FOXK1: variants seen among roughly 807,000 people sequenced by gnomAD.
FOXK1 encodes forkhead box protein K1.
Under a neutral mutation model 51.9 loss-of-function variants are expected in FOXK1, and 19 were observed. The observed-to-expected ratio is 0.37, with a 90% CI of 0.26 to 0.54. FOXK1 has a LOEUF of 0.54. FOXK1 is among the 20% of genes least tolerant of loss of function. The pLI is 0.87. For synonymous variants in FOXK1, 537 were observed against 482.6 expected, an observed-to-expected ratio of 1.11 and a Z score of -1.48; for missense variants, 870 against 1,032.7, an observed-to-expected ratio of 0.84 and a Z score of 2.16.
At chr7:4,710,722 G>C (rs1405302473) in intron 1 of FOXK1, among the ~76,000 whole-genome samples, 3 of 152,184 alleles carry the variant, frequency 2.0e-5, no homozygotes, top group Non-Finnish European at 4.4e-5. Flanking sequence ...TTCAGGGCGA[G>C]GGTGCGGTGG....
intron 1 of FOXK1, among the ~76,000 whole-genome samples, chr7:4,719,671 G>T (rs1287023180): frequency 6.7e-6 from 1 of 148,672 alleles, no homozygotes; most frequent in Non-Finnish European, 1.5e-5. Context: ...TAGTAGAGAT[G>T]GGGTTTCACC....
Position 4,689,987 on chromosome 7 carries a change from C to T in FOXK1, c.560+7119C>T, listed in dbSNP as rs115335524. 3.4e-3 allele frequency among the ~76,000 whole-genome samples: 525 copies of T among 152,248 alleles called. 3 individuals carry two copies. The highest frequency in any genetic ancestry group is 0.012 in the African/African-American group (496 of 41,524). ...GATCAGTCTCTTTCCAGCGAGTAGA[C>T]GTGAAAACTCAGGTGGTGCTGTCTC... On this transcript the variant is annotated intron_variant, in intron 1 of 8. Coordinates refer to ENST00000328914, the MANE Select transcript of FOXK1 (RefSeq NM_001037165.2).
Position 4,682,851 on chromosome 7 carries a change from C to T in FOXK1, c.543C>T (p.Ala181=), listed in dbSNP as rs1462883028. ...CCTTCCAGAGACGCGGCGCGCCCGC[C>T]CTGCAGCTGCCCAAGCAGTGAGTGG... ...DGAFQRRGAP[A]LQLPKQCTFR... The change falls in exon 1 of 9, where the codon GCC becomes GCT. Residue 181 remains alanine, a synonymous_variant. Coordinates refer to ENST00000328914, the MANE Select transcript of FOXK1 (RefSeq NM_001037165.2). This position sits in a 1 kb window ranked among gnomAD's most constrained non-coding sequence, Gnocchi z 7.6. 1.9e-6 allele frequency: 3 copies of T among 1,553,174 alleles called. No individual in the cohort carries two copies. The highest frequency in any genetic ancestry group is 2.4e-5 in the East Asian group (1 of 42,114).
At position 4,767,241 on chromosome 7, in the gene FOXK1, C is replaced by G. The variant is rs1781024518; in HGVS notation, c.*4777C>G. 1 of 152,300 alleles carries G rather than the reference C, an allele frequency of 6.6e-6. No individual in the cohort carries two copies. The highest frequency in any genetic ancestry group is 1.5e-5 in the Non-Finnish European group (1 of 68,086). The allele number at this position is 152,300 out of a possible 1,614,324, so 9.4% of individuals were successfully genotyped here. A position where few individuals can be genotyped will look rare whatever the true frequency, so the allele number is the denominator to read the frequency against. ...GGCTTCAGAGTCACCGGCATGCCGC[C>G]TCACGTTGCAGGACGGAATCGCGCG... is the stretch of plus-strand genomic sequence containing the variant. On this transcript the variant is annotated 3_prime_UTR_variant, in exon 9 of 9. Transcript: ENST00000328914. This position sits in a 1 kb window ranked among gnomAD's most constrained non-coding sequence, Gnocchi z 6.6.
Position 4,706,018 on chromosome 7 carries a change from ATATACGTG to A in FOXK1, c.560+23155_560+23162del, listed in dbSNP as rs1327494894. 1.2e-3 allele frequency among the ~76,000 whole-genome samples: 131 copies of A among 107,418 alleles called. 13 individuals are homozygous for A. Among genetic ancestry groups the A allele is most frequent in the African/African-American group, 8.0e-3 (117 of 14,574 alleles). 70.5% of individuals were successfully genotyped at this position (107,418 alleles called of 152,430 possible). A position where few individuals can be genotyped will look rare whatever the true frequency, so the allele number is the denominator to read the frequency against. On this transcript the variant is annotated intron_variant, in intron 1 of 8. Transcript: ENST00000328914. ...CGTATATATACGTATATATACGTAT[ATATACGTG>A]TATATACGTGTATATACGTGTATAT... is the stretch of plus-strand genomic sequence containing the variant.
At position 4,762,055 on chromosome 7, in the gene FOXK1, G is replaced by A. The variant is rs548377768; in HGVS notation, c.1922-129G>A. The A allele has an allele frequency of 3.4e-3, 3,738 of 1,104,546 alleles. 18 individuals carry two copies. The highest frequency in any genetic ancestry group is 0.015 in the Middle Eastern group (69 of 4,622). The allele number at this position is 1,104,546 out of a possible 1,614,324, so 68.4% of individuals were successfully genotyped here. On this transcript the variant is annotated intron_variant, in intron 8 of 8. Coordinates refer to ENST00000328914, the MANE Select transcript of FOXK1 (RefSeq NM_001037165.2). The surrounding 1 kb of genome is among the most constrained non-coding windows in gnomAD (Gnocchi z 5.7). ...CGCAGGGAGCAGAGCAAGGGTAGCC[G>A]TCCTGCCTGGCAGGGGTGCACTGAC... is the stretch of plus-strand genomic sequence containing the variant.
At chr7:4,685,992 T>G (rs1295181744) in intron 1 of FOXK1, among the ~76,000 whole-genome samples, 1 of 151,668 alleles carries the variant, frequency 6.6e-6, no homozygotes, top group African/African-American at 2.4e-5. Flanking sequence ...TTCTTAAGCC[T>G]ATTATGTTGA....
At position 4,709,641 on chromosome 7, in the gene FOXK1, A is replaced by G. The variant is rs551650325; in HGVS notation, c.560+26773A>G. On this transcript the variant is annotated intron_variant, in intron 1 of 8. Transcript: ENST00000328914. This position sits in a 1 kb window ranked among gnomAD's most constrained non-coding sequence, Gnocchi z 5.6. ...AGAAGATTTTAACTTTGTTAAAATC[A>G]TGAACTGGTTTTGCCGCAGTAAAGC... Among the ~76,000 whole-genome samples, 3 of 152,262 alleles carry G rather than the reference A, an allele frequency of 2.0e-5. No individual in the cohort carries two copies. The highest frequency in any genetic ancestry group is 1.5e-5 in the Non-Finnish European group (1 of 68,048).
chr7:4,712,460 A>T (rs1306036301), intron 1 of FOXK1, among the ~76,000 whole-genome samples: 1 of 152,094 alleles, frequency 6.6e-6, no homozygotes, highest in African/African-American at 2.4e-5. Context: ...GGGAAAGGAG[A>T]CGTGTTAGTT....
In FOXK1 at chr7:4,756,166, G is replaced by A. The variant is rs1780849103; in HGVS notation, c.1050+783G>A. 6.6e-6 allele frequency among the ~76,000 whole-genome samples: 1 copy of A among 152,140 alleles called. No individual in the cohort carries two copies. On this transcript the variant is annotated intron_variant, in intron 4 of 8. Transcript: ENST00000328914. The surrounding 1 kb of genome is among the most constrained non-coding windows in gnomAD (Gnocchi z 4.1). ...ATCTCGCTCTGCCATCCCGGCTGGA[G>A]TGTGGTGGCGCGATCTCAGCTCACT...
At chr7:4,725,299 G>A (rs1322299063) in intron 1 of FOXK1, among the ~76,000 whole-genome samples, 3 of 152,240 alleles carry the variant, frequency 2.0e-5, no homozygotes, top group Admixed American at 6.5e-5. Context: ...CATCGGCTCC[G>A]GGAAATGCAG....
intron 1 of FOXK1, among the ~76,000 whole-genome samples, chr7:4,725,215 G>A (rs569440284): frequency 1.3e-5 from 2 of 152,172 alleles, no homozygotes; most frequent in Non-Finnish European, 2.9e-5. Flanking sequence ...GGGGTAGATC[G>A]GAGCTGCCTC....
Position 4,734,559 on chromosome 7 carries a change from G to A in FOXK1, c.561-6279G>A, listed in dbSNP as rs778759905. On this transcript the variant is annotated intron_variant, in intron 1 of 8. Transcript: ENST00000328914. The surrounding 1 kb of genome is among the most constrained non-coding windows in gnomAD (Gnocchi z 5.2). ...TCTTGTGGAAGGGGAGGTGCCCCCC[G>A]GCCCACCCCCCCGCTGCCCAAGTGT... 1.4e-4 allele frequency among the ~76,000 whole-genome samples: 21 copies of A among 152,144 alleles called. No individual in the cohort carries two copies. The highest frequency in any genetic ancestry group is 9.8e-4 in the Admixed American group (15 of 15,276).
chr7:4,757,220 T>A (rs1475478422), intron 5 of FOXK1, 33 bp downstream of exon 5: 1 of 1,550,228 alleles, frequency 6.5e-7, no homozygotes, highest in Admixed American at 1.9e-5. Context: ...CCTCCAGCTG[T>A]TAGGAAAGCT....
intron 5 of FOXK1, among the ~76,000 whole-genome samples, chr7:4,757,634 C>CAAAA (rs59200954): frequency 0.014 from 277 of 20,172 alleles, 8 homozygotes; most frequent in African/African-American, 0.017. Flanking sequence ...AACTCCGTCT[C>CAAAA]AAAAAAAAAA....
intron 2 of FOXK1, among the ~76,000 whole-genome samples, chr7:4,752,664 G>T (rs1389363414): frequency 6.6e-6 from 1 of 152,248 alleles, no homozygotes; most frequent in Non-Finnish European, 1.5e-5. Flanking sequence ...AGATCAGAGT[G>T]TATGTGAGTG....
intron 2 of FOXK1, among the ~76,000 whole-genome samples, chr7:4,746,732 C>T (rs1780707379): frequency 6.6e-6 from 1 of 152,190 alleles, no homozygotes; most frequent in African/African-American, 2.4e-5. Flanking sequence ...CTGCAGCCTT[C>T]CGTGTGTTTT....
intron 1 of FOXK1, among the ~76,000 whole-genome samples, chr7:4,718,312 T>C (rs1780264512): frequency 6.6e-6 from 1 of 152,208 alleles, no homozygotes; most frequent in Non-Finnish European, 1.5e-5. Context: ...CACGCAGCCA[T>C]TGTAACCCTG....
In FOXK1 at chr7:4,682,809, C is replaced by G. The variant is rs765752450; in HGVS notation, c.501C>G (p.Gly167=). ...HFYLRCLGKN[G]VFVDGAFQRR... is the part of the protein sequence containing the mutation. ...ACCTGCGCTGCCTCGGCAAGAACGG[C>G]GTCTTCGTGGACGGGGCCTTCCAGA... The change falls in exon 1 of 9, where the codon GGC becomes GGG. Residue 167 remains glycine, a synonymous_variant. Transcript: ENST00000328914. This position sits in a 1 kb window ranked among gnomAD's most constrained non-coding sequence, Gnocchi z 7.6. 1 of 1,585,614 alleles carries G rather than the reference C, an allele frequency of 6.3e-7. No homozygotes were observed. Among genetic ancestry groups the G allele is most frequent in the Non-Finnish European group, 8.5e-7 (1 of 1,173,160 alleles).
Sources: gnomAD v4.1 joint callset for allele counts (sites outside exome capture counted in the v4.1 genomes callset) on GRCh38, gnomAD v4.1.1 for gene constraint, Gnocchi (gnomAD v3.1) non-coding constraint, MANE v1.5 for transcripts, NCBI Gene and HGNC (gene_info 2026-07-23, HGNC 2026-07-21) for gene names.